SLC26A7: variants seen among roughly 807,000 people sequenced by gnomAD.
SLC26A7 encodes the protein solute carrier family 26 member 7, also known as anion exchange transporter.
Under a neutral mutation model 82.5 loss-of-function variants are expected in SLC26A7, and 59 were observed. The observed-to-expected ratio is 0.72, with a 90% confidence interval of 0.58 to 0.89. SLC26A7 has a LOEUF of 0.89. SLC26A7 is among the 40% of genes least tolerant of loss of function. SLC26A7 has a pLI of 0.00. For synonymous variants in SLC26A7, 271 were observed against 274.3 expected (o/e 0.99, Z 0.12); for missense variants, 820 against 793.0 (o/e 1.03, Z -0.41).
intron 6 of SLC26A7, among the ~76,000 whole-genome samples, chr8:91,336,205 C>T (rs1405760152): frequency 3.9e-5 from 6 of 152,086 alleles, no homozygotes; most frequent in Non-Finnish European, 8.8e-5. Flanking sequence ...CACAGAGCTC[C>T]CTTCTTGTGG....
chr8:91,307,649 TGGGGTGG>T (rs1210194773), intron 4 of SLC26A7, among the ~76,000 whole-genome samples: 1 of 98,410 alleles, frequency 1.0e-5, no homozygotes, highest in Non-Finnish European at 2.0e-5. Flanking sequence ...GGGACTGTTG[TGGGGTGG>T]GGGGAGGGGG....
chr8:91,317,565 C>T (rs1812672798), intron 4 of SLC26A7, among the ~76,000 whole-genome samples: 1 of 152,122 alleles, frequency 6.6e-6, no homozygotes, highest in South Asian at 2.1e-4. Flanking sequence ...AATTTACAAC[C>T]TCTGGCATAA....
intron 16 of SLC26A7, among the ~76,000 whole-genome samples, chr8:91,390,679 T>C (rs116222137): frequency 0.017 from 2,595 of 152,190 alleles, 76 homozygotes; most frequent in African/African-American, 0.06. Flanking sequence ...TAAAACCTTA[T>C]GGAAATTTCT....
At chr8:91,348,572 A>G (rs1325660686) in intron 9 of SLC26A7, among the ~76,000 whole-genome samples, 1 of 152,230 alleles carries the variant, frequency 6.6e-6, no homozygotes. Flanking sequence ...ATATTTGGTC[A>G]TTTAGTTAGT....
chr8:91,368,095 A>C (rs1332442173), intron 14 of SLC26A7, among the ~76,000 whole-genome samples: 1 of 152,200 alleles, frequency 6.6e-6, no homozygotes, highest in Non-Finnish European at 1.5e-5. Flanking sequence ...CAGATGGGAG[A>C]TCCTTCTAAG....
At chr8:91,215,452 A>G (rs1310025320) in intron 1 of SLC26A7, among the ~76,000 whole-genome samples, 2 of 152,314 alleles carry the variant, frequency 1.3e-5, no homozygotes, top group South Asian at 4.1e-4. Context: ...CAATTCTACC[A>G]TTCAACAAAC....
At chr8:91,238,488 G>A (rs1321952401) in intron 2 of SLC26A7, among the ~76,000 whole-genome samples, 1 of 150,352 alleles carries the variant, frequency 6.7e-6, no homozygotes, top group Non-Finnish European at 1.5e-5. Context: ...TCACTTTTTT[G>A]TGCATTATCT....
At chr8:91,252,340 A>C (rs1810682370) in intron 2 of SLC26A7, among the ~76,000 whole-genome samples, 1 of 152,164 alleles carries the variant, frequency 6.6e-6, no homozygotes, top group Non-Finnish European at 1.5e-5. Flanking sequence ...TATGTCAAAT[A>C]GCAAGAAGCT....
chr8:91,276,983 T>C (rs1356491793), intron 2 of SLC26A7, among the ~76,000 whole-genome samples: 1 of 152,208 alleles, frequency 6.6e-6, no homozygotes, highest in Non-Finnish European at 1.5e-5. Context: ...CACACATACA[T>C]GCCTCTGGTT....
At position 91,397,764 on chromosome 8, in the gene SLC26A7, T is replaced by A. The variant is rs1429799560; in HGVS notation, c.*2667T>A. On this transcript the variant is annotated 3_prime_UTR_variant, in exon 19 of 19. Coordinates refer to ENST00000276609, the MANE Select transcript of SLC26A7 (RefSeq NM_052832.4). ...ATGTGTAATGTGATGAAGAAAGAGA[T>A]CTTTCTTTTTTAATGAAAACATTAA... 2 of 152,528 alleles carry A rather than the reference T, an allele frequency of 1.3e-5. No individual in the cohort carries two copies. The highest frequency in any genetic ancestry group is 2.4e-5 in the African/African-American group (1 of 41,438). 9.4% of individuals were successfully genotyped at this position (152,528 alleles called of 1,614,324 possible).
At chr8:91,339,627 G>GATTGATTTATTTATTT (rs765230333) in intron 7 of SLC26A7, among the ~76,000 whole-genome samples, 1 of 146,964 alleles carries the variant, frequency 6.8e-6, no homozygotes, top group African/African-American at 2.5e-5. Context: ...CTGCCTGAGG[G>GATTGATTTATTTATTT]ATTTATTTAT....
intron 15 of SLC26A7, among the ~76,000 whole-genome samples, chr8:91,373,887 A>G (rs1814434932): frequency 1.3e-5 from 2 of 151,800 alleles, no homozygotes; most frequent in Non-Finnish European, 3.0e-5. Flanking sequence ...TTTTTTTATT[A>G]TGAATAAATC....
chr8:91,212,576 A>G (rs187306351), intron 1 of SLC26A7, among the ~76,000 whole-genome samples: 1 of 152,332 alleles, frequency 6.6e-6, no homozygotes, highest in Non-Finnish European at 1.5e-5. Flanking sequence ...ACATAAGATT[A>G]CATTTAATAA....
At chr8:91,278,241 G>T (rs972032286) in intron 2 of SLC26A7, among the ~76,000 whole-genome samples, 1 of 149,708 alleles carries the variant, frequency 6.7e-6, no homozygotes, top group Non-Finnish European at 1.5e-5. Flanking sequence ...AAAAAAAAAA[G>T]GACCTGTCAG....
In SLC26A7 at chr8:91,293,358, G is replaced by A. The variant is rs578063498; in HGVS notation, c.305-2173G>A. ...GAGGCAAAGATAGAGAATTAGTAGAGAGGAGACAAAGACAAAGAAGAGACC... is the reference window on the plus strand; with the variant it reads ...GAGGCAAAGATAGAGAATTAGTAGAAAGGAGACAAAGACAAAGAAGAGACC... On this transcript the variant is annotated intron_variant, in intron 3 of 18. Transcript: ENST00000276609. Among the ~76,000 whole-genome samples the A allele has an allele frequency of 1.7e-3, 258 of 152,240 alleles. 1 individual carries two copies. The highest frequency in any genetic ancestry group is 3.3e-3 in the Non-Finnish European group (226 of 68,032).
At chr8:91,355,768 G>A (rs1813847015) in intron 11 of SLC26A7, among the ~76,000 whole-genome samples, 1 of 151,384 alleles carries the variant, frequency 6.6e-6, no homozygotes, top group Non-Finnish European at 1.5e-5. Flanking sequence ...GGGTACATGT[G>A]CACAATATGC....
At chr8:91,389,529 C>A in intron 16 of SLC26A7, 91 bp downstream of exon 16, 2 of 905,770 alleles carry the variant, frequency 2.2e-6, no homozygotes, top group Non-Finnish European at 3.6e-6. Context: ...CTTGAGCCTG[C>A]TTGTTGCAAT....
chr8:91,346,661 A>G (rs1813572235), intron 9 of SLC26A7, among the ~76,000 whole-genome samples: 1 of 152,156 alleles, frequency 6.6e-6, no homozygotes, highest in South Asian at 2.1e-4. Context: ...AGTTATCTTT[A>G]CAAAATGCAA....
chr8:91,245,051 G>A (rs972843853), upstream of SLC26A7, among the ~76,000 whole-genome samples: 1 of 152,040 alleles, frequency 6.6e-6, no homozygotes, highest in Non-Finnish European at 1.5e-5. Context: ...AAATATTAAC[G>A]GCACTGTTCA....
Sources: allele counts gnomAD v4.1 joint callset (sites outside exome capture counted in the v4.1 genomes callset), GRCh38; gene constraint gnomAD v4.1.1; transcripts MANE v1.5; gene names NCBI Gene and HGNC (gene_info 2026-07-23, HGNC 2026-07-21).